The following DGKD variants were observed in gnomAD, a reference collection of about 807,000 sequenced individuals.
DGKD encodes the protein diacylglycerol kinase delta, also known as DAG kinase delta.
DGKD carries 68 observed loss-of-function variants against 154.4 expected under a neutral mutation model. The observed-to-expected ratio is 0.44, with a 90% CI of 0.36 to 0.54. The LOEUF is 0.54. Ranked by LOEUF, DGKD falls within the 20% of genes least tolerant of loss-of-function variation. The pLI is 0.00. For missense variants in DGKD, 1,343 were observed against 1,593.6 expected (o/e 0.84, Z 2.68); for synonymous variants, 693 against 638.0 (o/e 1.09, Z -1.30).
Position 233,354,693 on chromosome 2 carries a change from G to C in DGKD, c.156+19G>C. The C allele has an allele frequency of 1.0e-6, 1 of 985,040 alleles. No homozygotes were observed. The highest frequency in any genetic ancestry group is 1.2e-6 in the Non-Finnish European group (1 of 830,016). 61.0% of individuals were successfully genotyped at this position (985,040 alleles called of 1,614,324 possible). A position where few individuals can be genotyped will look rare whatever the true frequency, so the allele number is the denominator to read the frequency against. On this transcript the variant is annotated intron_variant, in intron 1 of 29. Transcript: ENST00000264057. This position sits in a 1 kb window ranked among gnomAD's most constrained non-coding sequence, Gnocchi z 4.8. The stretch of plus-strand genomic sequence containing the variant: ...ACAGAAGGTGAGCCCGCGGCGCGGC[G>C]GCCCGGGCGCGCGCCCCTCACGCCG...
chr2:233,451,287 G>A (rs1348932333), intron 17 of DGKD, among the ~76,000 whole-genome samples: 3 of 149,140 alleles, frequency 2.0e-5, no homozygotes, highest in African/African-American at 5.0e-5. Context: ...CCCAGGAGGC[G>A]CCATTGAGGA....
intron 1 of DGKD, among the ~76,000 whole-genome samples, chr2:233,387,077 GAA>G (rs1703228100): frequency 6.6e-6 from 1 of 152,240 alleles, no homozygotes; most frequent in Non-Finnish European, 1.5e-5. Flanking sequence ...CCGGTGGATG[GAA>G]CAGGCAGCGC....
chr2:233,465,539 C>T (rs909885522), intron 27 of DGKD, among the ~76,000 whole-genome samples: 18 of 151,986 alleles, frequency 1.2e-4, no homozygotes, highest in Non-Finnish European at 5.9e-5. Flanking sequence ...ATCACGTTAG[C>T]CGAGGAGTTC....
intron 18 of DGKD, among the ~76,000 whole-genome samples, chr2:233,453,994 T>C (rs1394681118): frequency 1.3e-5 from 2 of 152,260 alleles, no homozygotes; most frequent in African/African-American, 4.8e-5. Context: ...TTGAAATGTG[T>C]GAGTTTCTGT....
chr2:233,410,018 T>G (rs559469948), intron 3 of DGKD, among the ~76,000 whole-genome samples: 1 of 152,132 alleles, frequency 6.6e-6, no homozygotes, highest in South Asian at 2.1e-4. Flanking sequence ...TTGGTAGAGA[T>G]ATGATCTCAC....
At chr2:233,361,998 A>G (rs190079346) in intron 1 of DGKD, among the ~76,000 whole-genome samples, 93 of 152,262 alleles carry the variant, frequency 6.1e-4, no homozygotes, top group Admixed American at 2.5e-3. Flanking sequence ...GAGTCTTACC[A>G]TGTTAGCTAA....
chr2:233,399,628 G>A (rs572810186), intron 3 of DGKD, among the ~76,000 whole-genome samples: 11 of 152,238 alleles, frequency 7.2e-5, no homozygotes, highest in Non-Finnish European at 1.5e-4. Flanking sequence ...GAGGCAGGAA[G>A]TGCTTTCCAG....
rs145989580 is a variant in DGKD, at chr2:233,387,747, G to A, written c.157-510G>A. On this transcript the variant is annotated intron_variant, in intron 1 of 29. Coordinates refer to ENST00000264057, the MANE Select transcript of DGKD (RefSeq NM_152879.3). Reference sequence around the variant, plus strand: ...GCAGATGCACACGCCAGGCCTGTGAGTGGTGGGTTGGGCTGAGGGCGCGGG... The same window carrying A: ...GCAGATGCACACGCCAGGCCTGTGAATGGTGGGTTGGGCTGAGGGCGCGGG... Among the ~76,000 whole-genome samples the A allele has an allele frequency of 1.2e-4, 19 of 152,302 alleles. No homozygotes were observed. The East Asian group carries it at 3.7e-3, about 29-fold the overall frequency.
intron 1 of DGKD, among the ~76,000 whole-genome samples, chr2:233,365,397 C>T (rs764321115): frequency 8.6e-5 from 13 of 151,984 alleles, no homozygotes; most frequent in Non-Finnish European, 1.6e-4. Context: ...TGCCACCATG[C>T]TTGGCTAATT....
chr2:233,370,464 G>A (rs1026315935), intron 1 of DGKD, among the ~76,000 whole-genome samples: 2 of 151,780 alleles, frequency 1.3e-5, no homozygotes, highest in Non-Finnish European at 2.9e-5. Context: ...TGATCTGACC[G>A]CCCTGGCCTC....
In DGKD at chr2:233,462,320, A is replaced by G. The variant is rs748105617; in HGVS notation, c.2982-28A>G. On this transcript the variant is annotated intron_variant, in intron 24 of 29. Transcript: ENST00000264057. The stretch of plus-strand genomic sequence containing the variant: ...AGGCTGCCCTTCCATTTGGCCTGAC[A>G]TCTGCCCGTGCTTCTCTTCCTCTCT... The G allele has an allele frequency of 9.5e-6, 15 of 1,571,352 alleles. No homozygotes were observed. The African/African-American group carries it at 1.1e-4, about 11-fold the overall frequency.
At chr2:233,359,117 A>T (rs948516515) in intron 1 of DGKD, among the ~76,000 whole-genome samples, 1 of 152,206 alleles carries the variant, frequency 6.6e-6, no homozygotes, top group African/African-American at 2.4e-5. Flanking sequence ...TTTTAATGCC[A>T]TTTTATTGTC....
At chr2:233,408,230 C>T (rs146227876) in intron 3 of DGKD, among the ~76,000 whole-genome samples, 1 of 152,060 alleles carries the variant, frequency 6.6e-6, no homozygotes, top group African/African-American at 2.4e-5. Context: ...TTAGTAGAGA[C>T]AGGGTTTCAC....
intron 3 of DGKD, among the ~76,000 whole-genome samples, chr2:233,416,969 T>G (rs1415332876): frequency 6.6e-6 from 1 of 152,242 alleles, no homozygotes; most frequent in Admixed American, 6.5e-5. Flanking sequence ...CCTGCTACGG[T>G]GTGCATTGCA....
intron 3 of DGKD, among the ~76,000 whole-genome samples, chr2:233,407,829 A>G (rs1458058735): frequency 6.6e-6 from 1 of 152,170 alleles, no homozygotes; most frequent in Non-Finnish European, 1.5e-5. Flanking sequence ...AAAGTTCCCT[A>G]GTAGGCCTAC....
At chr2:233,468,365 C>T in intron 28 of DGKD, 58 bp from the exon 29 acceptor site, 1 of 1,591,830 alleles carries the variant, frequency 6.3e-7, no homozygotes, top group Non-Finnish European at 8.6e-7. Flanking sequence ...CCAGCTGCTG[C>T]CTACCTTGCA....
intron 19 of DGKD, among the ~76,000 whole-genome samples, chr2:233,456,426 AGAC>A (rs910274861): frequency 6.6e-6 from 1 of 152,218 alleles, no homozygotes; most frequent in Admixed American, 6.5e-5. Context: ...TATGCAAAGA[AGAC>A]TGAGGAAATA....
intron 1 of DGKD, among the ~76,000 whole-genome samples, chr2:233,361,903 C>A (rs1367507985): frequency 6.6e-6 from 1 of 152,098 alleles, no homozygotes; most frequent in Non-Finnish European, 1.5e-5. Flanking sequence ...TCAAGCAATT[C>A]TCCTGCCTCA....
intron 2 of DGKD, 43 bp from the exon 3 acceptor site, chr2:233,390,360 C>A: frequency 2.6e-6 from 4 of 1,529,614 alleles, no homozygotes; most frequent in Non-Finnish European, 3.6e-6. Flanking sequence ...TAGGGATGTA[C>A]CTGTCTTTAT....
Sources: allele counts gnomAD v4.1 joint callset (sites outside exome capture counted in the v4.1 genomes callset), GRCh38; gene constraint gnomAD v4.1.1; non-coding constraint Gnocchi (gnomAD v3.1); transcripts MANE v1.5; gene names NCBI Gene and HGNC (gene_info 2026-07-23, HGNC 2026-07-21).